The following PCDH12 variants were observed in gnomAD, a reference collection of about 807,000 sequenced individuals.
The protein encoded by PCDH12 is protocadherin-12.
In PCDH12, 45 loss-of-function variants were observed where a neutral mutation model predicts 70.9. The observed-to-expected ratio is 0.63, with a 90% CI of 0.50 to 0.81. The LOEUF is 0.81. Ranked by LOEUF, PCDH12 falls within the 40% of genes least tolerant of loss-of-function variation. PCDH12 has a pLI of 0.00. For missense variants in PCDH12, 1,370 were observed against 1,491.7 expected (o/e 0.92, Z 1.34); for synonymous variants, 567 against 626.0 (o/e 0.91, Z 1.41).
chr5:141,950,354 T>G (rs1232119067), intron 2 of PCDH12, among the ~76,000 whole-genome samples: 2 of 152,174 alleles, frequency 1.3e-5, no homozygotes, highest in Non-Finnish European at 2.9e-5. Flanking sequence ...TTTGTTCCCC[T>G]GTAGCCATTT....
intron 2 of PCDH12, among the ~76,000 whole-genome samples, 179 bp downstream of exon 2, chr5:141,951,314 T>G (rs1231566596): frequency 6.6e-6 from 1 of 152,138 alleles, no homozygotes; most frequent in Non-Finnish European, 1.5e-5. Flanking sequence ...GTAAATACTA[T>G]CAATACAGTC....
chr5:141,945,871 G>T, intron 3 of PCDH12, 66 bp from the exon 4 acceptor site: 5 of 1,474,048 alleles, frequency 3.4e-6, no homozygotes, highest in Non-Finnish European at 4.7e-6. Flanking sequence ...GTGAGGGTGG[G>T]GCAATGAGCA....
At position 141,956,253 on chromosome 5, in the gene PCDH12, G is replaced by C; in HGVS notation, c.1599C>G (p.Phe533Leu). Residue 533 changes from phenylalanine to leucine, a missense_variant, in exon 1 of 4, where the codon TTC becomes TTG. Phe to Leu is a conservative substitution (Grantham distance 22). Transcript: ENST00000231484. ...LNYEEMAGFE[F>L]QVIAEDSGQP... ...GCCCGCTGTCCTCTGCGATCACCTG[G>C]AACTCAAAGCCGGCCATCTCTTCAT... The C allele has an allele frequency of 6.2e-7, 1 of 1,614,200 alleles. No individual in the cohort carries two copies. Among genetic ancestry groups the C allele is most frequent in the East Asian group, 2.2e-5 (1 of 44,888 alleles).
Position 141,955,137 on chromosome 5 carries a change from G to A in PCDH12, c.2715C>T (p.Ala905=), listed in dbSNP as rs1427372112. The change falls in exon 1 of 4, where the codon GCC becomes GCT. Residue 905 remains alanine (A), a synonymous_variant. Transcript: ENST00000231484. This position sits in a 1 kb window ranked among gnomAD's most constrained non-coding sequence, Gnocchi z 5.5. Reference sequence around the variant, plus strand: ...GCTGCCGTCTCAGGGTTGCAGAGGAGGCTGGTGGCCTCTGTGGGGCTTCCT... The same window carrying A: ...GCTGCCGTCTCAGGGTTGCAGAGGAAGCTGGTGGCCTCTGTGGGGCTTCCT... ...GSEEAPQRPP[A]SSATLRRQRH... is the part of the protein sequence containing the mutation. 17 of 1,614,232 alleles carry A rather than the reference G, an allele frequency of 1.1e-5. No individual in the cohort carries two copies. Among genetic ancestry groups the A allele is most frequent in the Non-Finnish European group, 1.4e-5 (17 of 1,180,038 alleles).
At chr5:141,952,950 G>C (rs1056085756) in intron 1 of PCDH12, 3 of 152,272 alleles carry the variant, frequency 2.0e-5, no homozygotes, top group African/African-American at 4.8e-5. Context: ...TGGAAGAGGA[G>C]ATGGCCAGGA....
intron 3 of PCDH12, among the ~76,000 whole-genome samples, chr5:141,946,894 TA>T (rs1308286934): frequency 2.1e-5 from 2 of 95,074 alleles, no homozygotes. Context: ...AACAGTGTCT[TA>T]AAAAAATTAA....
At chr5:141,946,506 T>G (rs1322586406) in intron 3 of PCDH12, among the ~76,000 whole-genome samples, 1 of 152,116 alleles carries the variant, frequency 6.6e-6, no homozygotes, top group Admixed American at 6.5e-5. Flanking sequence ...TGGCCCTTCC[T>G]CCCCCTGGAT....
In PCDH12 at chr5:141,957,258, C is replaced by T. The variant is rs1401355313; in HGVS notation, c.594G>A (p.Val198=). The T allele has an allele frequency of 1.2e-6, 2 of 1,614,052 alleles. No individual in the cohort carries two copies. Among genetic ancestry groups the T allele is most frequent in the Non-Finnish European group, 1.7e-6 (2 of 1,179,960 alleles). The change falls in exon 1 of 4, where the codon GTG becomes GTA. Residue 198 remains valine (V), a synonymous_variant. Transcript: ENST00000231484. This position sits in a 1 kb window ranked among gnomAD's most constrained non-coding sequence, Gnocchi z 4.3. ...GGATTTCCCTGTCCAGCTCCTTCAC[C>T]ACTATGAGTTCTGCATGTTTGGTCT... ...PDETKHAELI[V]VKELDREIHS...
chr5:141,954,865 T>A, intron 1 of PCDH12, 107 bp downstream of exon 1: 1 of 1,402,312 alleles, frequency 7.1e-7, no homozygotes, highest in Non-Finnish European at 9.6e-7. Context: ...AAGTGCCAGG[T>A]GAGCCTAAGG....
chr5:141,951,255 A>G (rs1394727153), intron 2 of PCDH12, among the ~76,000 whole-genome samples: 20 of 152,214 alleles, frequency 1.3e-4, no homozygotes, highest in Admixed American at 1.3e-3. Context: ...TACTGTATTG[A>G]TGGTATTTAT....
At position 141,957,178 on chromosome 5, in the gene PCDH12, G is replaced by C. The variant is rs765289346; in HGVS notation, c.674C>G (p.Ser225Ter). 6.2e-7 allele frequency: 1 copy of C among 1,614,170 alleles called. No individual in the cohort carries two copies. Among genetic ancestry groups the C allele is most frequent in the South Asian group, 1.1e-5 (1 of 91,080 alleles). ...TAYDNGNPPK[S>*]GTSLVKVNVL... ...GTTGACCTTGACCAAGCTGGTACCT[G>C]ACTTGGGGGGGTTCCCATTGTCATA... The change falls in exon 1 of 4, where the codon TCA (serine) becomes TGA (stop). Residue 225 changes from serine (S) to a stop codon, truncating the protein, a stop_gained. Coordinates refer to ENST00000231484, the MANE Select transcript of PCDH12 (RefSeq NM_016580.4). LOFTEE classifies it high-confidence loss of function. The surrounding 1 kb of genome is among the most constrained non-coding windows in gnomAD (Gnocchi z 4.3).
Position 141,956,363 on chromosome 5 carries a change from A to G in PCDH12, c.1489T>C (p.Tyr497His), listed in dbSNP as rs368653685. Residue 497 changes from tyrosine (Y) to histidine (H), a missense_variant, in exon 1 of 4, where the codon TAC becomes CAC. Coordinates refer to ENST00000231484, the MANE Select transcript of PCDH12 (RefSeq NM_016580.4). ...GCAACTGGGGAGTCCTGGATGCGGT[A>G]TGAGACTTTTCCATTAATGCCCAAG... ...ADLGINGKVSYRIQDSPVAHL... is the reference protein window; with the variant it reads ...ADLGINGKVSHRIQDSPVAHL... 4.3e-6 allele frequency: 7 copies of G among 1,614,230 alleles called. No individual in the cohort carries two copies. The highest frequency in any genetic ancestry group is 1.6e-4 in the Middle Eastern group (1 of 6,062).
chr5:141,945,154 C>G lies in PCDH12; in HGVS notation c.*227G>C. On this transcript the variant is annotated 3_prime_UTR_variant, in exon 4 of 4. Transcript: ENST00000231484. ...TTTGCCAGGAAACACTTATCTCAGCCACAAACCGTCCCTGTCCTCCAAAAG... is the reference window on the plus strand; with the variant it reads ...TTTGCCAGGAAACACTTATCTCAGCGACAAACCGTCCCTGTCCTCCAAAAG... 1.7e-6 allele frequency: 1 copy of G among 598,296 alleles called. No individual in the cohort carries two copies. Among genetic ancestry groups the G allele is most frequent in the Non-Finnish European group, 2.9e-6 (1 of 339,600 alleles). 37.1% of individuals were successfully genotyped at this position (598,296 alleles called of 1,614,324 possible). A position where few individuals can be genotyped will look rare whatever the true frequency, so the allele number is the denominator to read the frequency against.
intron 2 of PCDH12, 28 bp from the exon 3 acceptor site, chr5:141,949,611 G>T (rs1286644804): frequency 6.2e-7 from 1 of 1,607,814 alleles, no homozygotes; most frequent in Non-Finnish European, 8.5e-7. Context: ...CAGTCCATGG[G>T]TAGGGACATT....
At position 141,945,793 on chromosome 5, in the gene PCDH12, T is replaced by G. The variant is rs542269714; in HGVS notation, c.3143A>C (p.Asp1048Ala). 6 of 1,612,148 alleles carry G rather than the reference T, an allele frequency of 3.7e-6. No individual in the cohort carries two copies. The South Asian group carries it at 5.5e-5, about 15-fold the overall frequency. ...LLDPSTGLAL[D>A]RLSAPDPAWM... ...GGCCGGGTCAGGGGCGCTCAGCCGG[T>G]CCAGGGCCAGACCTGTGGGGGAAGG... The change falls in exon 4 of 4, where the codon GAC (aspartate) becomes GCC (alanine). Residue 1048 changes from aspartate (D) to alanine (A), a missense_variant. Physicochemically the swap from Asp to Ala is moderately radical, Grantham distance 126. Coordinates refer to ENST00000231484, the MANE Select transcript of PCDH12 (RefSeq NM_016580.4).
chr5:141,955,889 G>A lies in PCDH12; in HGVS notation c.1963C>T (p.Gln655Ter), dbSNP rs770412651. 2 of 1,614,190 alleles carry A rather than the reference G, an allele frequency of 1.2e-6. No homozygotes were observed. The highest frequency in any genetic ancestry group is 2.2e-5 in the South Asian group (2 of 91,082). The change falls in exon 1 of 4, where the codon CAG becomes TAG. Residue 655 changes from glutamine (Q) to a stop codon, truncating the protein, a stop_gained. Transcript: ENST00000231484. LOFTEE classifies it high-confidence loss of function. The surrounding 1 kb of genome is among the most constrained non-coding windows in gnomAD (Gnocchi z 5.5). ...HLFILNPHTGQLFVNVTNASS... is the reference protein window; with the variant it reads ...HLFILNPHTG ...GCATTGGTGACATTGACGAACAGCT[G>A]CCCCGTATGAGGGTTGAGGATGAAG...
Position 141,954,977 on chromosome 5 carries a change from C to T in PCDH12, c.2875G>A (p.Val959Ile). The T allele has an allele frequency of 6.2e-7, 1 of 1,610,602 alleles. No individual in the cohort carries two copies. The highest frequency in any genetic ancestry group is 1.1e-5 in the South Asian group (1 of 90,834). Residue 959 changes from valine (V) to isoleucine (I), a missense_variant, in exon 1 of 4, where the codon GTT (valine) becomes ATT (isoleucine). Physicochemically the swap from Val to Ile is conservative, Grantham distance 29. Coordinates refer to ENST00000231484, the MANE Select transcript of PCDH12 (RefSeq NM_016580.4). ...VEELTVDSPP[V>I]QQISQLLSLL... ...GCTGCCCATGCCCCAGGTACCTGAA[C>T]AGGAGGAGAATCCACAGTGAGCTCC...
Position 141,955,714 on chromosome 5 carries a change from C to T in PCDH12, c.2138G>A (p.Ser713Asn). 6.2e-7 allele frequency: 1 copy of T among 1,614,140 alleles called. No homozygotes were observed. Residue 713 changes from serine (S) to asparagine (N), a missense_variant, in exon 1 of 4, where the codon AGC becomes AAC. By Grantham distance (46) the Ser-to-Asn change is conservative. Transcript: ENST00000231484. The surrounding 1 kb of genome is among the most constrained non-coding windows in gnomAD (Gnocchi z 5.5). ...RDSARKPGAL[S>N]MSMLTVICLA... is the part of the protein sequence containing the mutation. ...GCAGATCACCGTCAGCATCGACATG[C>T]TCAAGGCCCCAGGCTTGCGGGCTGA... is the stretch of plus-strand genomic sequence containing the variant.
intron 1 of PCDH12, 138 bp downstream of exon 1, chr5:141,954,834 A>T: frequency 8.5e-7 from 1 of 1,174,454 alleles, no homozygotes; most frequent in East Asian, 2.4e-5. Context: ...GCCCTGAACC[A>T]TTGCTACCCA....
Sources: allele counts gnomAD v4.1 joint callset (sites outside exome capture counted in the v4.1 genomes callset), GRCh38; gene constraint gnomAD v4.1.1; non-coding constraint Gnocchi (gnomAD v3.1); transcripts MANE v1.5; gene names NCBI Gene and HGNC (gene_info 2026-07-23, HGNC 2026-07-21).